Variants in TMCC1 observed in about 807,000 individuals in gnomAD.
The protein encoded by TMCC1 is transmembrane and coiled-coil domains protein 1.
In TMCC1, 15 loss-of-function variants were observed where a neutral mutation model predicts 52.4. The observed-to-expected ratio is 0.29, with a 90% CI of 0.19 to 0.44. The LOEUF (loss-of-function observed/expected upper bound fraction) is 0.44, where lower values mean the gene tolerates loss of function less well. Among genes scored for constraint, TMCC1 ranks in the 20% least tolerant of loss-of-function variants. TMCC1 has a pLI of 1.00. For missense variants in TMCC1, 503 were observed against 806.0 expected, an observed-to-expected ratio of 0.62 and a Z score of 4.55; for synonymous variants, 279 against 301.9, an observed-to-expected ratio of 0.92 and a Z score of 0.79.
chr3:129,831,130 C>T (rs2058890981), intron 3 of TMCC1, among the ~76,000 whole-genome samples: 2 of 152,076 alleles, frequency 1.3e-5, no homozygotes, highest in African/African-American at 4.8e-5. Flanking sequence ...GATACGGTTT[C>T]ACCATGTTGG....
intron 3 of TMCC1, among the ~76,000 whole-genome samples, chr3:129,830,389 A>T (rs558552729): frequency 4.7e-4 from 72 of 152,152 alleles, no homozygotes; most frequent in South Asian, 3.9e-3. Flanking sequence ...TCTGATTTTT[A>T]AAAAAAATAG....
At chr3:129,787,148 G>T (rs2056096635) in intron 4 of TMCC1, among the ~76,000 whole-genome samples, 1 of 152,140 alleles carries the variant, frequency 6.6e-6, no homozygotes, top group Non-Finnish European at 1.5e-5. Flanking sequence ...AGGGATATTA[G>T]ATAATTCTTT....
At chr3:129,750,166 CA>C (rs150219197) in intron 4 of TMCC1, among the ~76,000 whole-genome samples, 2,355 of 152,160 alleles carry the variant, frequency 0.015, 47 homozygotes, top group African/African-American at 0.054. Flanking sequence ...AATCTTGTCT[CA>C]AAATCTTTAT....
At chr3:129,764,860 G>A (rs1368147554) in intron 4 of TMCC1, among the ~76,000 whole-genome samples, 1 of 131,770 alleles carries the variant, frequency 7.6e-6, no homozygotes, top group Admixed American at 8.4e-5. Flanking sequence ...AGAGTGTAGT[G>A]GTGCAATAAT....
At chr3:129,694,636 C>T (rs1431790580) in intron 4 of TMCC1, among the ~76,000 whole-genome samples, 1 of 152,198 alleles carries the variant, frequency 6.6e-6, no homozygotes, top group Non-Finnish European at 1.5e-5. Flanking sequence ...TGTTCCTCCC[C>T]ACTGCTACAC....
At chr3:129,811,565 A>G (rs929720914) in intron 4 of TMCC1, among the ~76,000 whole-genome samples, 5 of 152,258 alleles carry the variant, frequency 3.3e-5, no homozygotes, top group Admixed American at 3.3e-4. Flanking sequence ...ACTGTGTCCA[A>G]CCATTTGAGA....
At chr3:129,661,958 TA>T (rs1173524316) in intron 5 of TMCC1, among the ~76,000 whole-genome samples, 1 of 152,244 alleles carries the variant, frequency 6.6e-6, no homozygotes, top group Non-Finnish European at 1.5e-5. Context: ...ACTTCCTGTC[TA>T]AATTCTAAAA....
intron 4 of TMCC1, among the ~76,000 whole-genome samples, chr3:129,729,223 C>T (rs2107611442): frequency 6.6e-6 from 1 of 152,114 alleles, no homozygotes; most frequent in African/African-American, 2.4e-5. Context: ...GCATCCTTGT[C>T]AGCATTTGCA....
intron 4 of TMCC1, among the ~76,000 whole-genome samples, chr3:129,769,508 G>A (rs2054378373): frequency 6.6e-6 from 1 of 151,012 alleles, no homozygotes; most frequent in Non-Finnish European, 1.5e-5. Context: ...GGGATTACAA[G>A]CGTGAGCCCC....
chr3:129,778,700 GTTCTCATGATAGT>G (rs1320936394), intron 4 of TMCC1, among the ~76,000 whole-genome samples: 3 of 150,448 alleles, frequency 2.0e-5, no homozygotes, highest in African/African-American at 4.9e-5. Context: ...TCCCCATGCT[GTTCTCATGATAGT>G]GAGTTCTCAC....
chr3:129,788,556 G>A (rs2056209372), intron 4 of TMCC1, among the ~76,000 whole-genome samples: 1 of 151,920 alleles, frequency 6.6e-6, no homozygotes, highest in African/African-American at 2.4e-5. Flanking sequence ...TCTGCCTCCC[G>A]GGTTGACGCC....
chr3:129,683,428 C>G (rs2089169488), intron 4 of TMCC1, among the ~76,000 whole-genome samples: 1 of 152,220 alleles, frequency 6.6e-6, no homozygotes, highest in Admixed American at 6.5e-5. Flanking sequence ...AAATCTGGCT[C>G]AGAGGCTAAC....
chr3:129,888,331 T>C (rs1434303318), intron 1 of TMCC1, among the ~76,000 whole-genome samples: 1 of 152,240 alleles, frequency 6.6e-6, no homozygotes, highest in Non-Finnish European at 1.5e-5. Flanking sequence ...GATATGTGTA[T>C]ATACACAGGT....
chr3:129,672,641 AGAGTAAT>A (rs1215750179), intron 4 of TMCC1, among the ~76,000 whole-genome samples: 1 of 152,194 alleles, frequency 6.6e-6, no homozygotes, highest in Non-Finnish European at 1.5e-5. Context: ...AAGCAGTAAC[AGAGTAAT>A]GAGTAATGAG....
At position 129,763,596 on chromosome 3, in the gene TMCC1, TTATTTAA is replaced by T. The variant is rs1438452976; in HGVS notation, c.576+64200_576+64206del. Among the ~76,000 whole-genome samples, 4 of 148,278 alleles carry T rather than the reference TTATTTAA, an allele frequency of 2.7e-5. No homozygotes were observed. The East Asian group carries it at 5.9e-4, about 22-fold the overall frequency. On this transcript the variant is annotated intron_variant, in intron 4 of 6. Coordinates refer to ENST00000393238, the MANE Select transcript of TMCC1 (RefSeq NM_001017395.5). ...AAAGAAAAAATTATACTTACCCTGA[TTATTTAA>T]TATTTAACAAATTATATTCAGAACT...
At chr3:129,724,739 T>C (rs780180738) in intron 4 of TMCC1, among the ~76,000 whole-genome samples, 15 of 152,204 alleles carry the variant, frequency 9.9e-5, no homozygotes, top group Non-Finnish European at 1.9e-4. Context: ...AATGCAGACA[T>C]TCCTTTACAT....
intron 4 of TMCC1, among the ~76,000 whole-genome samples, chr3:129,754,468 C>T (rs951222095): frequency 2.6e-5 from 4 of 152,094 alleles, no homozygotes; most frequent in African/African-American, 7.2e-5. Flanking sequence ...GATTTTAAGA[C>T]TTACTACAAC....
chr3:129,663,691 T>C (rs1481931540), intron 5 of TMCC1, among the ~76,000 whole-genome samples: 2 of 151,778 alleles, frequency 1.3e-5, no homozygotes, highest in African/African-American at 4.9e-5. Flanking sequence ...AATATCTAAA[T>C]AATACAGGAA....
chr3:129,755,580 C>A (rs908294719), intron 4 of TMCC1, among the ~76,000 whole-genome samples: 2 of 152,036 alleles, frequency 1.3e-5, no homozygotes, highest in Non-Finnish European at 2.9e-5. Flanking sequence ...TTAAAATGGG[C>A]AAAAGATCTG....
Sources: gnomAD v4.1 joint callset for allele counts (sites outside exome capture counted in the v4.1 genomes callset) on GRCh38, gnomAD v4.1.1 for gene constraint, MANE v1.5 for transcripts, NCBI Gene and HGNC (gene_info 2026-07-23, HGNC 2026-07-21) for gene names.